TP63: variants seen among roughly 807,000 people sequenced by gnomAD.
TP63 encodes tumor protein 63.
TP63 carries 17 observed loss-of-function variants against 82.8 expected under a neutral mutation model. The observed-to-expected ratio is 0.21, with a 90% CI of 0.14 to 0.31. The LOEUF is 0.31. Among genes scored for constraint, TP63 ranks in the 10% least tolerant of loss-of-function variants. The pLI is 1.00. For synonymous variants in TP63, 330 were observed against 321.7 expected (o/e 1.03, Z -0.28); for missense variants, 648 against 895.3 (o/e 0.72, Z 3.52).
At chr3:189,745,317 G>A (rs1450541914) in intron 3 of TP63, among the ~76,000 whole-genome samples, 1 of 152,154 alleles carries the variant, frequency 6.6e-6, no homozygotes, top group East Asian at 1.9e-4. Flanking sequence ...ATACTGAGAA[G>A]CTCAGTGAGA....
At chr3:189,744,519 A>T (rs990335241) in intron 3 of TP63, among the ~76,000 whole-genome samples, 7 of 152,168 alleles carry the variant, frequency 4.6e-5, no homozygotes, top group African/African-American at 1.7e-4. Flanking sequence ...GTGTGCCACC[A>T]TTGGCAGCTG....
the TP63 span, among the ~76,000 whole-genome samples, chr3:189,617,190 A>C: frequency 6.6e-6 from 1 of 152,318 alleles, no homozygotes; most frequent in South Asian, 2.1e-4. Context: ...CTAGCCATCT[A>C]TTGTTTGCCC....
chr3:189,615,938 C>G, the TP63 span, among the ~76,000 whole-genome samples: 2 of 152,164 alleles, frequency 1.3e-5, no homozygotes, highest in Non-Finnish European at 2.9e-5. Flanking sequence ...AGGAGAAAAG[C>G]AGGGCTTGAC....
At chr3:189,710,812 C>T (rs1376771140) in intron 1 of TP63, among the ~76,000 whole-genome samples, 1 of 152,128 alleles carries the variant, frequency 6.6e-6, no homozygotes, top group Non-Finnish European at 1.5e-5. Flanking sequence ...AACTCCACCT[C>T]CTGCTCTTCT....
chr3:189,827,372 A>G (rs1448557768), intron 4 of TP63, among the ~76,000 whole-genome samples: 1 of 151,692 alleles, frequency 6.6e-6, no homozygotes, highest in Non-Finnish European at 1.5e-5. Flanking sequence ...GCTCCCCCTT[A>G]CAGACACGTA....
intron 1 of TP63, among the ~76,000 whole-genome samples, chr3:189,672,199 G>C (rs574539092): frequency 1.1e-4 from 17 of 151,720 alleles, no homozygotes; most frequent in Non-Finnish European, 1.8e-4. Flanking sequence ...AACATAAAAG[G>C]AAAAAAATAG....
intron 10 of TP63, among the ~76,000 whole-genome samples, chr3:189,876,678 C>T (rs1719265619): frequency 6.6e-6 from 1 of 152,124 alleles, no homozygotes; most frequent in Non-Finnish European, 1.5e-5. Flanking sequence ...ATTATATATA[C>T]ATGGGTCTCC....
chr3:189,880,565 T>C, intron 10 of TP63: 1 of 988,146 alleles, frequency 1.0e-6, no homozygotes, highest in Non-Finnish European at 1.2e-6. Context: ...AGGGAAGCTT[T>C]TGAGCAGGTC....
chr3:189,739,621 C>T (rs570938010), intron 3 of TP63, among the ~76,000 whole-genome samples: 5 of 152,214 alleles, frequency 3.3e-5, no homozygotes, highest in Admixed American at 2.0e-4. Flanking sequence ...CTGAGTCACT[C>T]GTGATCTTAG....
chr3:189,596,992 G>C, the TP63 span, among the ~76,000 whole-genome samples: 1 of 152,092 alleles, frequency 6.6e-6, no homozygotes, highest in East Asian at 1.9e-4. Context: ...CTTCACTCCT[G>C]AGCCAGCGAG....
intron 4 of TP63, among the ~76,000 whole-genome samples, chr3:189,820,914 AAAG>A (rs1728732798): frequency 6.6e-6 from 1 of 152,196 alleles, no homozygotes; most frequent in Admixed American, 6.5e-5. Flanking sequence ...CTATTTCAGG[AAAG>A]AAGATGTCTT....
intron 3 of TP63, among the ~76,000 whole-genome samples, chr3:189,746,834 CAT>C (rs1721414091): frequency 6.7e-6 from 1 of 150,240 alleles, no homozygotes; most frequent in Non-Finnish European, 1.5e-5. Flanking sequence ...CACACACACA[CAT>C]ATGAAACTCA....
intron 4 of TP63, among the ~76,000 whole-genome samples, chr3:189,857,702 A>G (rs186285668): frequency 6.6e-6 from 1 of 152,340 alleles, no homozygotes; most frequent in Admixed American, 6.5e-5. Flanking sequence ...AAAAATGGCC[A>G]AAAGACCGGA....
intron 1 of TP63, among the ~76,000 whole-genome samples, chr3:189,718,132 G>A (rs1022098217): frequency 1.3e-5 from 2 of 152,154 alleles, no homozygotes; most frequent in African/African-American, 4.8e-5. Context: ...ATTCCCAAGT[G>A]TGTGGAGAAA....
intron 1 of TP63, among the ~76,000 whole-genome samples, chr3:189,666,351 C>A (rs1159931614): frequency 6.6e-6 from 1 of 152,012 alleles, no homozygotes; most frequent in African/African-American, 2.4e-5. Context: ...TCATTCAAAA[C>A]CCCTGAGATT....
chr3:189,711,794 A>G (rs144645915), intron 1 of TP63, among the ~76,000 whole-genome samples: 68 of 152,302 alleles, frequency 4.5e-4, no homozygotes, highest in African/African-American at 1.5e-3. Flanking sequence ...AGTTAGGCCT[A>G]TCCACTTTTT....
chr3:189,828,853 T>C (rs1711857031), intron 4 of TP63, among the ~76,000 whole-genome samples: 1 of 152,206 alleles, frequency 6.6e-6, no homozygotes, highest in African/African-American at 2.4e-5. Context: ...ATGAAAATAA[T>C]CTAATAGTAG....
intron 10 of TP63, among the ~76,000 whole-genome samples, chr3:189,875,616 A>ATACGTATATATATATATATATATACG (rs1719041048): frequency 1.8e-5 from 2 of 108,700 alleles, no homozygotes; most frequent in African/African-American, 8.9e-5. Flanking sequence ...ATATATATAT[A>ATACGTATATATATATATATATATACG]TATATATATA....
At chr3:189,874,428 G>A (rs1307321805) in intron 10 of TP63, among the ~76,000 whole-genome samples, 7 of 152,124 alleles carry the variant, frequency 4.6e-5, no homozygotes, top group East Asian at 1.9e-4. Context: ...AACACTTTCT[G>A]AGCACCTGTT....
Sources: allele counts gnomAD v4.1 joint callset (sites outside exome capture counted in the v4.1 genomes callset), GRCh38; gene constraint gnomAD v4.1.1; transcripts MANE v1.5; gene names NCBI Gene and HGNC (gene_info 2026-07-23, HGNC 2026-07-21).